Variants in KLC3 observed in about 807,000 individuals in gnomAD.
KLC3 encodes kinesin light chain 2.
KLC3 carries 72 observed loss-of-function variants against 62.9 expected under a neutral mutation model. The observed-to-expected ratio is 1.15, with a 90% CI of 0.95 to 1.39. The LOEUF (loss-of-function observed/expected upper bound fraction) is 1.39. KLC3 is among the 40% of genes most tolerant of loss of function. KLC3 has a pLI of 0.00. For missense variants in KLC3, 848 were observed against 691.6 expected (o/e 1.23, Z -2.54); for synonymous variants, 377 against 300.5 (o/e 1.25, Z -2.63).
At position 45,348,838 on chromosome 19, in the gene KLC3, A is replaced by T; in HGVS notation, c.886A>T (p.Asn296Tyr). The change falls in exon 7 of 13, where the codon AAC becomes TAC. Residue 296 changes from asparagine (N) to tyrosine (Y), a missense_variant. Physicochemically the swap from Asn to Tyr is moderately radical, Grantham distance 143. Transcript: ENST00000391946. ...EHPAVAATLN[N>Y]LAVLYGKRGR... ...CCCGCAGGTGGCCGCCACGCTCAAC[A>T]ACTTGGCTGTCCTCTATGGGAAGCG... 6.4e-7 allele frequency: 1 copy of T among 1,573,564 alleles called. No individual in the cohort carries two copies. The highest frequency in any genetic ancestry group is 8.6e-7 in the Non-Finnish European group (1 of 1,159,480).
rs756475228 is a variant in KLC3 at position 45,347,521 on chromosome 19, G to C, written c.559+5G>C. On this transcript the variant is annotated splice_donor_5th_base_variant and intron_variant, in intron 4 of 12. Coordinates refer to ENST00000391946, the MANE Select transcript of KLC3 (RefSeq NM_177417.3). ...GCGAGGAGGAGGAGAGGAAAGGTGG[G>C]TGTTGGGAGTACATGCCACAGAGGA... The C allele has an allele frequency of 2.1e-5, 34 of 1,609,518 alleles. No individual in the cohort carries two copies. In the South Asian group the frequency reaches 3.8e-4, roughly 18 times the overall value.
intron 3 of KLC3, 23 bp downstream of exon 3, chr19:45,346,797 G>T (rs1172820752): frequency 2.0e-6 from 3 of 1,519,856 alleles, no homozygotes; most frequent in Non-Finnish European, 1.8e-6. Flanking sequence ...GGGCGAGGCG[G>T]GGGGTGCTGG....
In KLC3 at chr19:45,350,628, G is replaced by C. The variant is rs371863089; in HGVS notation, c.1273-13G>C. The C allele has an allele frequency of 2.7e-5, 43 of 1,612,774 alleles. No homozygotes were observed. In the African/African-American group the frequency reaches 4.1e-4, roughly 16 times the overall value. On this transcript the variant is annotated splice_polypyrimidine_tract_variant and intron_variant, in intron 10 of 12. Transcript: ENST00000391946. ...GCCTGGGGGACTGAGCAGCATCCCCGGCCCCTCCCCAGGCCCTTCGCCGCA... is the reference window on the plus strand; with the variant it reads ...GCCTGGGGGACTGAGCAGCATCCCCCGCCCCTCCCCAGGCCCTTCGCCGCA...
At position 45,348,899 on chromosome 19, in the gene KLC3, G is replaced by T; in HGVS notation, c.947G>T (p.Arg316Leu). 1 of 1,583,866 alleles carries T rather than the reference G, an allele frequency of 6.3e-7. No individual in the cohort carries two copies. The highest frequency in any genetic ancestry group is 8.6e-7 in the Non-Finnish European group (1 of 1,165,272). ...CGGGAGGCAGAGCCCCTGTGCCAGCGCGCTTTGGAGATCCGAGAGAAGGTC... is the reference window on the plus strand; with the variant it reads ...CGGGAGGCAGAGCCCCTGTGCCAGCTCGCTTTGGAGATCCGAGAGAAGGTC... ...RYREAEPLCQ[R>L]ALEIREKVLG... Residue 316 changes from arginine to leucine, a missense_variant, in exon 7 of 13, where the codon CGC becomes CTC. Physicochemically the swap from Arg to Leu is moderately radical, Grantham distance 102. Transcript: ENST00000391946.
intron 1 of KLC3, 89 bp downstream of exon 1, chr19:45,340,935 G>C (rs1224610217): frequency 6.6e-6 from 1 of 152,250 alleles, no homozygotes; most frequent in Non-Finnish European, 1.5e-5. Flanking sequence ...CCTGAGACGG[G>C]GAAGGGCCTT....
intron 6 of KLC3, 39 bp downstream of exon 6, chr19:45,348,772 G>A (rs1425085453): frequency 3.8e-6 from 6 of 1,564,738 alleles, no homozygotes; most frequent in Non-Finnish European, 5.2e-6. Flanking sequence ...GGGTCAAAGT[G>A]GGGCCACACC....
rs1235671648 is a variant in KLC3, at chr19:45,351,283, C to T, written c.1444-3C>T. On this transcript the variant is annotated splice_region_variant and splice_polypyrimidine_tract_variant and intron_variant, in intron 12 of 12. Coordinates refer to ENST00000391946, the MANE Select transcript of KLC3 (RefSeq NM_177417.3). ...TCCAACCATCCCCTGTGCCTGTCTC[C>T]AGTTTCCCAGCTGGCACCTGGACAA... The T allele has an allele frequency of 5.0e-6, 8 of 1,612,352 alleles. No homozygotes were observed. The highest frequency in any genetic ancestry group is 1.3e-5 in the African/African-American group (1 of 74,888).
intron 3 of KLC3, 39 bp from the exon 4 acceptor site, chr19:45,347,408 C>T (rs774401868): frequency 2.0e-6 from 3 of 1,524,614 alleles, no homozygotes; most frequent in Admixed American, 3.7e-5. Flanking sequence ...CTGAAACAAG[C>T]CCCCACCACC....
intron 8 of KLC3, 73 bp downstream of exon 8, chr19:45,349,675 A>T: frequency 1.0e-6 from 1 of 978,224 alleles, no homozygotes; most frequent in South Asian, 1.9e-5. Flanking sequence ...TTGGTTGGAT[A>T]CAGGGTGAGC....
rs12981960 is a variant in KLC3, at chr19:45,349,701, G to T, written c.1143+99G>T. 2,123 of 804,212 alleles carry T rather than the reference G, an allele frequency of 2.6e-3. No individual in the cohort carries two copies. Among genetic ancestry groups the T allele is most frequent in the Non-Finnish European group, 3.5e-3 (1,921 of 553,826 alleles). 49.8% of individuals were successfully genotyped at this position (804,212 alleles called of 1,614,324 possible). A position where few individuals can be genotyped will look rare whatever the true frequency, so the allele number is the denominator to read the frequency against. On this transcript the variant is annotated intron_variant, in intron 8 of 12. Transcript: ENST00000391946. The stretch of plus-strand genomic sequence containing the variant: ...CAGGGTGAGCAACGTGAGGGTGGGG[G>T]GGGGCCCCCCAGGCCGGGCCCTTGG...
intron 1 of KLC3, among the ~76,000 whole-genome samples, chr19:45,341,578 T>TGTGTGTGTGCACGCGCGC: frequency 4.3e-5 from 6 of 139,800 alleles, no homozygotes; most frequent in Non-Finnish European, 9.3e-5. Flanking sequence ...TGTGTGTGTG[T>TGTGTGTGTGCACGCGCGC]GCGCGCGCGC....
At chr19:45,347,841 C>T (rs1328693933) in intron 4 of KLC3, 100 bp from the exon 5 acceptor site, 2 of 990,756 alleles carry the variant, frequency 2.0e-6, no homozygotes, top group African/African-American at 3.2e-5. Flanking sequence ...TCCCAGGGGC[C>T]AGTTAGGCAG....
In KLC3 at chr19:45,345,702, G is replaced by A; in HGVS notation, c.161G>A (p.Gly54Glu). The change falls in exon 2 of 13, where the codon GGA becomes GAA. Residue 54 changes from glycine to glutamate, a missense_variant. Physicochemically the swap from Gly to Glu is moderately conservative, Grantham distance 98. Coordinates refer to ENST00000391946, the MANE Select transcript of KLC3 (RefSeq NM_177417.3). ...LAGHLAEALAGQGPAAGLEML... is the reference protein window; with the variant it reads ...LAGHLAEALAEQGPAAGLEML... ...GGGCACCTGGCGGAGGCCCTGGCGG[G>A]ACAGGGCCCGGCAGCCGGCTTGGAG... 6.4e-7 allele frequency: 1 copy of A among 1,568,892 alleles called. No homozygotes were observed. Among genetic ancestry groups the A allele is most frequent in the Non-Finnish European group, 8.6e-7 (1 of 1,158,108 alleles).
intron 12 of KLC3, 86 bp downstream of exon 12, chr19:45,351,103 G>A: frequency 6.2e-7 from 1 of 1,609,748 alleles, no homozygotes; most frequent in Non-Finnish European, 8.5e-7. Flanking sequence ...CGGGCCAGTG[G>A]TGGAGTCAGC....
Position 45,351,465 on chromosome 19 carries a change from T to C in KLC3, c.*108T>C, listed in dbSNP as rs1599721225. The C allele has an allele frequency of 6.3e-7, 1 of 1,583,320 alleles. No individual in the cohort carries two copies. The highest frequency in any genetic ancestry group is 2.2e-5 in the East Asian group (1 of 44,624). ...CTCCTGGCCCCCCCTTGCCTCTGGG[T>C]ACCTGGTGGATAGCTGCCTTCTCCT... is the stretch of plus-strand genomic sequence containing the variant. On this transcript the variant is annotated 3_prime_UTR_variant, in exon 13 of 13. Coordinates refer to ENST00000391946, the MANE Select transcript of KLC3 (RefSeq NM_177417.3).
intron 1 of KLC3, among the ~76,000 whole-genome samples, chr19:45,342,802 A>G (rs551916338): frequency 1.3e-5 from 2 of 152,312 alleles, no homozygotes; most frequent in African/African-American, 4.8e-5. Context: ...AGGTTGATAT[A>G]TACATCACAT....
chr19:45,348,052 A>G lies in KLC3; in HGVS notation c.671A>G (p.Glu224Gly). The change falls in exon 5 of 13, where the codon GAG becomes GGG. Residue 224 changes from glutamate to glycine, a missense_variant. Coordinates refer to ENST00000391946, the MANE Select transcript of KLC3 (RefSeq NM_177417.3). ...VIQYAGQGRY[E>G]VAVPLCRQAL... is the part of the protein sequence containing the mutation. ...CAGTACGCGGGGCAGGGCCGCTATG[A>G]GGTGGCGGTGCCTCTGTGCCGCCAG... is the stretch of plus-strand genomic sequence containing the variant. The G allele has an allele frequency of 6.2e-7, 1 of 1,604,120 alleles. No homozygotes were observed. The highest frequency in any genetic ancestry group is 8.5e-7 in the Non-Finnish European group (1 of 1,175,596).
intron 1 of KLC3, among the ~76,000 whole-genome samples, chr19:45,341,829 T>C (rs537677356): frequency 3.1e-4 from 47 of 151,782 alleles, no homozygotes; most frequent in Non-Finnish European, 5.6e-4. Context: ...GTGTGTGATC[T>C]GCATTGATAC....
intron 12 of KLC3, 55 bp from the exon 13 acceptor site, chr19:45,351,231 G>A: frequency 5.7e-6 from 9 of 1,590,042 alleles, no homozygotes; most frequent in Non-Finnish European, 7.7e-6. Context: ...CTGGAGGGTG[G>A]ATGTAACACT....
Sources: allele counts gnomAD v4.1 joint callset (sites outside exome capture counted in the v4.1 genomes callset), GRCh38; gene constraint gnomAD v4.1.1; transcripts MANE v1.5; gene names NCBI Gene and HGNC (gene_info 2026-07-23, HGNC 2026-07-21).